CDH13: variants seen among roughly 807,000 people sequenced by gnomAD.
CDH13 encodes cadherin 13, also known as cadherin-13.
A neutral mutation model predicts 63.8 loss-of-function variants in CDH13; 24 were observed. The observed-to-expected ratio is 0.38, with a 90% CI of 0.27 to 0.53. CDH13 has a LOEUF of 0.53. Among genes scored for constraint, CDH13 ranks in the 20% least tolerant of loss-of-function variants. The pLI is 0.85. For synonymous variants in CDH13, 503 were observed against 355.3 expected (o/e 1.42, Z -4.67); for missense variants, 1,049 against 903.1 (o/e 1.16, Z -2.07).
At chr16:83,577,366 C>G (rs4077575) in intron 7 of CDH13, among the ~76,000 whole-genome samples, 76,423 of 152,044 alleles carry the variant, frequency 0.5, 19,599 homozygotes, top group East Asian at 0.75. Flanking sequence ...TCACGCCTCA[C>G]TGCCAATTAA....
intron 1 of CDH13, among the ~76,000 whole-genome samples, chr16:82,766,501 G>A (rs1236239318): frequency 6.6e-6 from 1 of 152,192 alleles, no homozygotes. Context: ...GATTCTGCCA[G>A]TACACCTTTC....
At chr16:82,904,026 T>G (rs923500668) in intron 2 of CDH13, among the ~76,000 whole-genome samples, 1 of 152,226 alleles carries the variant, frequency 6.6e-6, no homozygotes, top group Non-Finnish European at 1.5e-5. Context: ...ACTGCTTTTT[T>G]TTCTATTAAA....
intron 5 of CDH13, among the ~76,000 whole-genome samples, chr16:83,237,270 G>A (rs1022466172): frequency 6.6e-6 from 1 of 152,228 alleles, no homozygotes; most frequent in South Asian, 2.1e-4. Flanking sequence ...ACCCCATGGT[G>A]ATGCTCACGG....
At chr16:83,125,779 C>T (rs2035783306) in intron 4 of CDH13, among the ~76,000 whole-genome samples, 1 of 152,140 alleles carries the variant, frequency 6.6e-6, no homozygotes, top group Admixed American at 6.5e-5. Flanking sequence ...AAACAAGGCT[C>T]ATTGCTTTTA....
At chr16:82,663,047 C>G (rs887018127) in intron 1 of CDH13, among the ~76,000 whole-genome samples, 2 of 152,174 alleles carry the variant, frequency 1.3e-5, no homozygotes, top group African/African-American at 4.8e-5. Flanking sequence ...CAGAAAGATT[C>G]CTCTCTGGGA....
chr16:83,154,086 G>A (rs1304156535), intron 4 of CDH13, among the ~76,000 whole-genome samples: 1 of 152,146 alleles, frequency 6.6e-6, no homozygotes, highest in Non-Finnish European at 1.5e-5. Flanking sequence ...GCTTCAGCCT[G>A]TGGCGTGTGA....
chr16:83,183,531 C>G (rs76865384), intron 4 of CDH13, among the ~76,000 whole-genome samples: 3,440 of 152,312 alleles, frequency 0.023, 100 homozygotes, highest in African/African-American at 0.07. Flanking sequence ...ATAGCCTCAA[C>G]TGGTGGAATT....
At chr16:82,805,475 G>A (rs1279507192) in intron 1 of CDH13, among the ~76,000 whole-genome samples, 2 of 152,148 alleles carry the variant, frequency 1.3e-5, no homozygotes, top group African/African-American at 4.8e-5. Flanking sequence ...CTTGCAAAAT[G>A]CCAGAAGAGT....
At position 83,538,548 on chromosome 16, in the gene CDH13, A is replaced by G. The variant is rs527391788; in HGVS notation, c.960+51893A>G. Among the ~76,000 whole-genome samples the G allele has an allele frequency of 2.1e-3, 316 of 152,340 alleles. 1 individual carries two copies. Among genetic ancestry groups the G allele is most frequent in the South Asian group, 6.8e-3 (33 of 4,830 alleles). ...ACTTGAGAGAACATTTGCAAGAAGG[A>G]ATGTGATCCTAAAATAATAGGATGT... On this transcript the variant is annotated intron_variant, in intron 7 of 13. Transcript: ENST00000567109.
At chr16:83,492,254 G>A (rs886082744) in intron 7 of CDH13, among the ~76,000 whole-genome samples, 1 of 152,116 alleles carries the variant, frequency 6.6e-6, no homozygotes, top group African/African-American at 2.4e-5. Context: ...AAAGATAGAG[G>A]TAGTAGTCAT....
chr16:83,516,688 C>T (rs941952298), intron 7 of CDH13, among the ~76,000 whole-genome samples: 3 of 152,208 alleles, frequency 2.0e-5, no homozygotes, highest in Non-Finnish European at 4.4e-5. Flanking sequence ...TACCTACTCT[C>T]TTCCAGGCAC....
chr16:82,690,213 T>G, intron 1 of CDH13, among the ~76,000 whole-genome samples: 1 of 143,492 alleles, frequency 7.0e-6, no homozygotes. Flanking sequence ...GGTGGGTGGC[T>G]GGGGTGGGGT....
chr16:83,748,390 A>G, intron 11 of CDH13, 140 bp downstream of exon 11: 1 of 721,018 alleles, frequency 1.4e-6, no homozygotes, highest in Non-Finnish European at 2.3e-6. Context: ...AAATGTTTAA[A>G]TATACACATG....
chr16:82,934,307 C>T (rs949288823), intron 2 of CDH13, among the ~76,000 whole-genome samples: 9 of 152,230 alleles, frequency 5.9e-5, no homozygotes, highest in African/African-American at 1.7e-4. Flanking sequence ...CCTCTGAAGC[C>T]ACAGTCTGAG....
At position 83,581,205 on chromosome 16, in the gene CDH13, G is replaced by C. The variant is rs79847952; in HGVS notation, c.961-21249G>C. On this transcript the variant is annotated intron_variant, in intron 7 of 13. Coordinates refer to ENST00000567109, the MANE Select transcript of CDH13 (RefSeq NM_001257.5). ...AATGCACGTGGGCATTTGGAAAGCA[G>C]GTATGGTCTCTGCCCTTCCGAAGCT... Among the ~76,000 whole-genome samples, 779 of 152,270 alleles carry C rather than the reference G, an allele frequency of 5.1e-3. 9 individuals are homozygous for C. Among genetic ancestry groups the C allele is most frequent in the African/African-American group, 0.017 (716 of 41,542 alleles).
intron 2 of CDH13, among the ~76,000 whole-genome samples, chr16:82,994,773 G>A (rs1912024441): frequency 6.6e-6 from 1 of 152,132 alleles, no homozygotes; most frequent in Non-Finnish European, 1.5e-5. Context: ...TCTGGTTAAG[G>A]GGAACTTTGT....
chr16:83,251,676 G>A (rs1440481909), intron 5 of CDH13, among the ~76,000 whole-genome samples: 4 of 152,218 alleles, frequency 2.6e-5, no homozygotes, highest in African/African-American at 4.8e-5. Flanking sequence ...GTAGGCCTTC[G>A]TTGACAAGCC....
At chr16:83,427,019 C>G (rs896521480) in intron 6 of CDH13, among the ~76,000 whole-genome samples, 1 of 148,156 alleles carries the variant, frequency 6.7e-6, no homozygotes, top group Non-Finnish European at 1.5e-5. Context: ...CTCCGCCTCC[C>G]AGGTTCACGC....
At chr16:82,884,572 G>A (rs1039527814) in intron 2 of CDH13, 2 of 183,740 alleles carry the variant, frequency 1.1e-5, no homozygotes, top group African/African-American at 2.3e-5. Context: ...CCCTGTAGGT[G>A]TTTGACTCAC....
Sources: gnomAD v4.1 joint callset for allele counts (sites outside exome capture counted in the v4.1 genomes callset) on GRCh38, gnomAD v4.1.1 for gene constraint, MANE v1.5 for transcripts, NCBI Gene and HGNC (gene_info 2026-07-23, HGNC 2026-07-21) for gene names.